Variants in SDK2 observed in about 807,000 individuals in gnomAD.
SDK2 encodes protein sidekick-2.
A neutral mutation model predicts 253.9 loss-of-function variants in SDK2; 105 were observed. That is an observed-to-expected ratio of 0.41 (90% CI 0.35 to 0.49). The LOEUF (loss-of-function observed/expected upper bound fraction) is 0.49, where lower values mean the gene tolerates loss of function less well. SDK2 is among the 20% of genes least tolerant of loss of function. The pLI is 0.06. For synonymous variants in SDK2, 1,249 were observed against 1,234.9 expected (o/e 1.01, Z -0.24); for missense variants, 2,608 against 3,003.0 (o/e 0.87, Z 3.07).
At chr17:73,571,732 C>T (rs1383159992) in intron 1 of SDK2, among the ~76,000 whole-genome samples, 1 of 152,336 alleles carries the variant, frequency 6.6e-6, no homozygotes, top group South Asian at 2.1e-4. Flanking sequence ...GCCTGCCTTC[C>T]AGGAAAGGTG....
rs192076263 is a variant in SDK2, at chr17:73,481,469, A to G, written c.225-9251T>C. ...GTGTGTCTGTGAGGGTGTTTCTAGA[A>G]GAGATCAGTATTTGGATCAGCAGAT... On this transcript the variant is annotated intron_variant, in intron 2 of 44. Coordinates refer to ENST00000392650, the MANE Select transcript of SDK2 (RefSeq NM_001144952.2). The surrounding 1 kb of genome is among the most constrained non-coding windows in gnomAD (Gnocchi z 4.5). 6.6e-6 allele frequency among the ~76,000 whole-genome samples: 1 copy of G among 152,226 alleles called. No individual in the cohort carries two copies. The highest frequency in any genetic ancestry group is 1.9e-4 in the East Asian group (1 of 5,172).
chr17:73,630,877 C>T (rs545558311), intron 1 of SDK2, among the ~76,000 whole-genome samples: 28 of 151,740 alleles, frequency 1.8e-4, no homozygotes, highest in Non-Finnish European at 1.9e-4. Flanking sequence ...CTCAGCACAC[C>T]GCCCCTCCCT....
At chr17:73,355,172 A>T (rs1257364403) in intron 40 of SDK2, among the ~76,000 whole-genome samples, 2 of 23,340 alleles carry the variant, frequency 8.6e-5, no homozygotes, top group African/African-American at 2.6e-4. Context: ...ATATATATAT[A>T]TATTTTTTTT....
At chr17:73,363,487 A>G (rs184120085) in intron 38 of SDK2, among the ~76,000 whole-genome samples, 101 of 152,278 alleles carry the variant, frequency 6.6e-4, no homozygotes, top group African/African-American at 2.4e-3. Flanking sequence ...ACAATTCTGA[A>G]CAAAGCCCTC....
chr17:73,381,011 T>C (rs2062826535), intron 33 of SDK2, 61 bp from the exon 34 acceptor site: 1 of 1,018,904 alleles, frequency 9.8e-7, no homozygotes, highest in South Asian at 1.4e-5. Context: ...AGGAGGTTAG[T>C]GCTCACACAT....
intron 1 of SDK2, among the ~76,000 whole-genome samples, chr17:73,638,556 G>C (rs2046360073): frequency 6.6e-6 from 1 of 152,122 alleles, no homozygotes; most frequent in Non-Finnish European, 1.5e-5. Flanking sequence ...TCAAGTGCCA[G>C]GTTGGAGGCC....
At chr17:73,415,236 C>T (rs982399761) in intron 17 of SDK2, among the ~76,000 whole-genome samples, 1 of 152,158 alleles carries the variant, frequency 6.6e-6, no homozygotes, top group African/African-American at 2.4e-5. Context: ...TGAGAACAGG[C>T]CACACAGCCA....
chr17:73,358,340 T>C, intron 39 of SDK2, 136 bp from the exon 40 acceptor site: 1 of 1,197,098 alleles, frequency 8.4e-7, no homozygotes, highest in Non-Finnish European at 1.1e-6. Flanking sequence ...CCTGCAAATG[T>C]CGCGGCCTGA....
chr17:73,596,826 C>T (rs2045765705), intron 1 of SDK2, among the ~76,000 whole-genome samples: 1 of 152,232 alleles, frequency 6.6e-6, no homozygotes, highest in Admixed American at 6.5e-5. Flanking sequence ...CCTGCCATGG[C>T]TGGCGGTGTC....
At chr17:73,344,037 C>A (rs73343820) in intron 44 of SDK2, among the ~76,000 whole-genome samples, 10,085 of 152,134 alleles carry the variant, frequency 0.066, 1,007 homozygotes, top group African/African-American at 0.22. Flanking sequence ...TGCCTCTACC[C>A]GGGGGGCCAG....
intron 1 of SDK2, among the ~76,000 whole-genome samples, chr17:73,599,842 G>T (rs562024414): frequency 6.6e-6 from 1 of 152,322 alleles, no homozygotes; most frequent in African/African-American, 2.4e-5. Context: ...CTGACACAGG[G>T]GCCCAGGCTC....
chr17:73,447,342 G>A lies in SDK2; in HGVS notation c.613+273C>T, dbSNP rs1283225724. ...CCCACCCCTCCCTGGGTCCCTGGTA[G>A]CCCTGCTAACAGTTGTGCTAAGCAT... On this transcript the variant is annotated intron_variant, in intron 5 of 44. Transcript: ENST00000392650. The surrounding 1 kb of genome is among the most constrained non-coding windows in gnomAD (Gnocchi z 4.0). Among the ~76,000 whole-genome samples, 3 of 152,078 alleles carry A rather than the reference G, an allele frequency of 2.0e-5. No individual in the cohort carries two copies. The highest frequency in any genetic ancestry group is 2.0e-4 in the Admixed American group (3 of 15,270).
chr17:73,460,703 T>C (rs2063557567), intron 3 of SDK2, among the ~76,000 whole-genome samples: 1 of 152,204 alleles, frequency 6.6e-6, no homozygotes, highest in Non-Finnish European at 1.5e-5. Context: ...TAGGTAGATT[T>C]CCCATGATCC....
chr17:73,483,501 GTGTGTGTGTA>G (rs2063741070), intron 2 of SDK2, among the ~76,000 whole-genome samples: 2 of 108,454 alleles, frequency 1.8e-5, no homozygotes, highest in African/African-American at 7.3e-5. Context: ...GTGTGTGTGT[GTGTGTGTGTA>G]TGTGTGTGTG....
intron 1 of SDK2, among the ~76,000 whole-genome samples, chr17:73,587,918 C>T (rs1005816554): frequency 6.6e-6 from 1 of 152,212 alleles, no homozygotes; most frequent in Non-Finnish European, 1.5e-5. Flanking sequence ...CTCTAAGAAA[C>T]TCCCTGTCCT....
At chr17:73,606,369 C>T (rs1261062205) in intron 1 of SDK2, among the ~76,000 whole-genome samples, 1 of 151,888 alleles carries the variant, frequency 6.6e-6, no homozygotes, top group African/African-American at 2.4e-5. Flanking sequence ...CTGCTGAGCC[C>T]CTCCTCTGAG....
chr17:73,399,422 G>GC, intron 21 of SDK2, 133 bp from the exon 22 acceptor site: 1 of 916,584 alleles, frequency 1.1e-6, no homozygotes, highest in Non-Finnish European at 1.7e-6. Context: ...CACAGCCACG[G>GC]CCCCACTCCA....
chr17:73,549,672 C>T (rs570674019), intron 1 of SDK2, among the ~76,000 whole-genome samples: 18 of 151,946 alleles, frequency 1.2e-4, no homozygotes, highest in African/African-American at 3.6e-4. Context: ...AAGTTTTAGG[C>T]GAGGTGAACA....
rs527660331 is a variant in SDK2, at chr17:73,588,327, C to T, written c.64+55698G>A. 1.7e-3 allele frequency among the ~76,000 whole-genome samples: 220 copies of T among 128,652 alleles called. 2 individuals are homozygous for T. The highest frequency in any genetic ancestry group is 6.2e-3 in the African/African-American group (204 of 33,060). The allele number at this position is 128,652 out of a possible 152,430, so 84.4% of individuals were successfully genotyped here. A position where few individuals can be genotyped will look rare whatever the true frequency, so the allele number is the denominator to read the frequency against. On this transcript the variant is annotated intron_variant, in intron 1 of 44. Transcript: ENST00000392650. ...ATTTGAATCCGGGAGGTGGAGGTTGCGGTGAGCCGAGATCGCGCCTTTGCA... is the reference window on the plus strand; with the variant it reads ...ATTTGAATCCGGGAGGTGGAGGTTGTGGTGAGCCGAGATCGCGCCTTTGCA...
Sources: gnomAD v4.1 joint callset for allele counts (sites outside exome capture counted in the v4.1 genomes callset) on GRCh38, gnomAD v4.1.1 for gene constraint, Gnocchi (gnomAD v3.1) non-coding constraint, MANE v1.5 for transcripts, NCBI Gene and HGNC (gene_info 2026-07-23, HGNC 2026-07-21) for gene names.